The following TRIT1 variants were observed in gnomAD, a reference collection of about 807,000 sequenced individuals.
TRIT1 encodes the protein tRNA dimethylallyltransferase.
Under a neutral mutation model 51.2 loss-of-function variants are expected in TRIT1, and 43 were observed. The ratio of observed to expected loss-of-function variants is 0.84; its 90% CI spans 0.66 to 1.08. The LOEUF (loss-of-function observed/expected upper bound fraction) is 1.08, where lower values mean the gene tolerates loss of function less well. Ranked by LOEUF, TRIT1 falls within the 50% of genes least tolerant of loss-of-function variation. TRIT1 has a pLI of 0.00. For missense variants in TRIT1, 528 were observed against 578.4 expected (o/e 0.91, Z 0.89); for synonymous variants, 184 against 203.9 (o/e 0.90, Z 0.83).
intron 2 of TRIT1, 50 bp from the exon 3 acceptor site, chr1:39,854,118 T>C (rs1642756190): frequency 7.4e-7 from 1 of 1,357,520 alleles, no homozygotes; most frequent in Non-Finnish European, 1.0e-6. Flanking sequence ...TGACTCACTT[T>C]GGAAGGACAC....
At chr1:39,843,823 A>G (rs1642063648) in intron 10 of TRIT1, among the ~76,000 whole-genome samples, 1 of 152,184 alleles carries the variant, frequency 6.6e-6, no homozygotes, top group South Asian at 2.1e-4. Flanking sequence ...CAGGACCACA[A>G]AGTCAAAGGA....
intron 3 of TRIT1, among the ~76,000 whole-genome samples, 198 bp from the exon 4 acceptor site, chr1:39,853,074 C>T (rs893495627): frequency 3.9e-5 from 6 of 152,164 alleles, no homozygotes; most frequent in Admixed American, 3.9e-4. Flanking sequence ...AGAAGACTTA[C>T]AGCATAGGGA....
chr1:39,864,405 C>T (rs1326804899), intron 1 of TRIT1, among the ~76,000 whole-genome samples: 3 of 151,354 alleles, frequency 2.0e-5, no homozygotes, highest in African/African-American at 7.3e-5. Context: ...GTCAGGAGAT[C>T]GAGACCATCC....
Position 39,844,523 on chromosome 1 carries a change from A to AT in TRIT1, c.1116+7dup. 6.2e-7 allele frequency: 1 copy of AT among 1,606,680 alleles called. No individual in the cohort carries two copies. Among genetic ancestry groups the AT allele is most frequent in the South Asian group, 1.1e-5 (1 of 90,924 alleles). ...CAGAAAATAGAATGTATCATGATTC[A>AT]TAATTACCTGGATGAAACTTTGCAC... On this transcript the variant is annotated splice_region_variant and intron_variant, in intron 9 of 10. Transcript: ENST00000316891.
intron 1 of TRIT1, among the ~76,000 whole-genome samples, chr1:39,881,181 G>A (rs371452147): frequency 2.8e-4 from 41 of 148,604 alleles, no homozygotes; most frequent in African/African-American, 9.5e-4. Context: ...AGCCAAGATC[G>A]CGCCACTGCA....
Position 39,850,228 on chromosome 1 carries a change from A to G in TRIT1, c.594T>C (p.Ser198=). ...GTTGACGATGGAGAAATTCACTATGAGAGATTCCTGTTTCTTCAAAAACTT... is the reference window on the plus strand; with the variant it reads ...GTTGACGATGGAGAAATTCACTATGGGAGATTCCTGTTTCTTCAAAAACTT... ...SLQVFEETGI[S]HSEFLHRQHT... is the part of the protein sequence containing the mutation. Residue 198 remains serine (S), a synonymous_variant, in exon 5 of 11, where the codon TCT becomes TCC. Coordinates refer to ENST00000316891, the MANE Select transcript of TRIT1 (RefSeq NM_017646.6). 6.2e-7 allele frequency: 1 copy of G among 1,614,208 alleles called. No individual in the cohort carries two copies. Among genetic ancestry groups the G allele is most frequent in the Non-Finnish European group, 8.5e-7 (1 of 1,180,038 alleles).
chr1:39,859,606 AG>A (rs1354194420), intron 1 of TRIT1, among the ~76,000 whole-genome samples: 2 of 151,916 alleles, frequency 1.3e-5, no homozygotes, highest in African/African-American at 4.8e-5. Flanking sequence ...AAAGAAAGAA[AG>A]AAAAGAAAAC....
chr1:39,862,762 T>C, intron 1 of TRIT1: 1 of 985,214 alleles, frequency 1.0e-6, no homozygotes, highest in Non-Finnish European at 1.2e-6. Flanking sequence ...ACATGTGAGA[T>C]TTGTAGCTGA....
In TRIT1 at chr1:39,841,651, A is replaced by G; in HGVS notation, c.*93T>C. The G allele has an allele frequency of 2.2e-6, 3 of 1,334,692 alleles. No homozygotes were observed. Among genetic ancestry groups the G allele is most frequent in the Non-Finnish European group, 3.1e-6 (3 of 982,674 alleles). The allele number at this position is 1,334,692 out of a possible 1,614,324, so 82.7% of individuals were successfully genotyped here. The stretch of plus-strand genomic sequence containing the variant: ...TTTTCTGCTATGCAGAGAATTCCGC[A>G]TAGCACTCCTTTGCCCAGACTGGGA... On this transcript the variant is annotated 3_prime_UTR_variant, in exon 11 of 11. Transcript: ENST00000316891.
At chr1:39,843,482 G>C (rs997430467) in intron 10 of TRIT1, among the ~76,000 whole-genome samples, 1 of 152,180 alleles carries the variant, frequency 6.6e-6, no homozygotes, top group Admixed American at 6.5e-5. Context: ...CAGGGATAGA[G>C]CCTTAGGGTG....
rs953716296 is a variant in TRIT1 at position 39,841,081 on chromosome 1, A to T, written c.*663T>A. The T allele has an allele frequency of 6.6e-6, 1 of 152,194 alleles. No homozygotes were observed. The highest frequency in any genetic ancestry group is 2.4e-5 in the African/African-American group (1 of 41,452). 9.4% of individuals were successfully genotyped at this position (152,194 alleles called of 1,614,324 possible). On this transcript the variant is annotated 3_prime_UTR_variant, in exon 11 of 11. Transcript: ENST00000316891. ...TAAATTTTTTCTTTATTTAAACTTC[A>T]ATAAAAATATAGATTTGTAACTCAA... is the stretch of plus-strand genomic sequence containing the variant.
intron 1 of TRIT1, among the ~76,000 whole-genome samples, chr1:39,861,447 C>A (rs1643239269): frequency 6.6e-6 from 1 of 152,158 alleles, no homozygotes; most frequent in Admixed American, 6.5e-5. Context: ...CTTAGCAATT[C>A]CACTTCAGGT....
In TRIT1 at chr1:39,875,776, G is replaced by C. The variant is rs914762269; in HGVS notation, c.174+7542C>G. Reference sequence around the variant, plus strand: ...TGGTACAGAGGAAAAGAATGGGATGGAGGATGAATGAATAAATAAATAAGA... The same window carrying C: ...TGGTACAGAGGAAAAGAATGGGATGCAGGATGAATGAATAAATAAATAAGA... On this transcript the variant is annotated intron_variant, in intron 1 of 10. Transcript: ENST00000316891. Among the ~76,000 whole-genome samples, 11 of 152,146 alleles carry C rather than the reference G, an allele frequency of 7.2e-5. No homozygotes were observed. In the East Asian group the frequency reaches 2.1e-3, roughly 29 times the overall value.
chr1:39,855,046 C>T (rs964808631), intron 2 of TRIT1, among the ~76,000 whole-genome samples: 9 of 152,168 alleles, frequency 5.9e-5, no homozygotes, highest in Non-Finnish European at 1.2e-4. Flanking sequence ...TAAGGTTTCA[C>T]GATGTTACTT....
chr1:39,846,102 C>T (rs565476182), intron 8 of TRIT1, among the ~76,000 whole-genome samples: 1 of 152,330 alleles, frequency 6.6e-6, no homozygotes, highest in South Asian at 2.1e-4. Context: ...TCAGATGACA[C>T]TAAGACTTCT....
chr1:39,850,767 C>T (rs1353909583), intron 4 of TRIT1, among the ~76,000 whole-genome samples: 1 of 152,172 alleles, frequency 6.6e-6, no homozygotes, highest in Non-Finnish European at 1.5e-5. Flanking sequence ...GTTTGGGACA[C>T]TTTGTAACAA....
chr1:39,871,030 C>A (rs1643867823), intron 1 of TRIT1, among the ~76,000 whole-genome samples: 1 of 152,120 alleles, frequency 6.6e-6, no homozygotes, highest in African/African-American at 2.4e-5. Flanking sequence ...TATGTCTCTA[C>A]TAAAAATACA....
intron 10 of TRIT1, among the ~76,000 whole-genome samples, chr1:39,842,912 G>A (rs1380721959): frequency 1.3e-5 from 2 of 152,154 alleles, no homozygotes; most frequent in Non-Finnish European, 2.9e-5. Context: ...ATGGCAGCAG[G>A]AGATGGGAGT....
At chr1:39,873,203 A>C (rs1643936919) in intron 1 of TRIT1, among the ~76,000 whole-genome samples, 1 of 152,254 alleles carries the variant, frequency 6.6e-6, no homozygotes, top group Non-Finnish European at 1.5e-5. Context: ...TGACTTTTTC[A>C]GTGGAGAAAC....
Sources: allele counts gnomAD v4.1 joint callset (sites outside exome capture counted in the v4.1 genomes callset), GRCh38; gene constraint gnomAD v4.1.1; transcripts MANE v1.5; gene names NCBI Gene and HGNC (gene_info 2026-07-23, HGNC 2026-07-21).